The following LRRC8B variants were observed in gnomAD, a reference collection of about 807,000 sequenced individuals.
The protein encoded by LRRC8B is leucine rich repeat containing 8 VRAC subunit B.
LRRC8B carries 23 observed loss-of-function variants against 58.8 expected under a neutral mutation model. The observed-to-expected ratio is 0.39, with a 90% CI of 0.28 to 0.55. The LOEUF (loss-of-function observed/expected upper bound fraction) is 0.55, where lower values mean the gene tolerates loss of function less well. LRRC8B is among the 20% of genes least tolerant of loss of function. The probability of loss-of-function intolerance (pLI) is 0.62; values close to 1 mark genes in which losing one functional copy is unlikely to be tolerated. For synonymous variants in LRRC8B, 359 were observed against 374.1 expected, an observed-to-expected ratio of 0.96 and a Z score of 0.47; for missense variants, 694 against 936.0, an observed-to-expected ratio of 0.74 and a Z score of 3.37.
chr1:89,533,673 T>C (rs1002498222), intron 1 of LRRC8B, among the ~76,000 whole-genome samples: 3 of 152,194 alleles, frequency 2.0e-5, no homozygotes, highest in Non-Finnish European at 4.4e-5. Context: ...GGCCTCCTCC[T>C]GGATGCTTCT....
rs560048505 is a variant in LRRC8B, at chr1:89,558,430, A to G, written c.-240-9817A>G. Among the ~76,000 whole-genome samples, 6 of 152,308 alleles carry G rather than the reference A, an allele frequency of 3.9e-5. 1 individual carries two copies. The East Asian group carries it at 1.2e-3, about 29-fold the overall frequency. On this transcript the variant is annotated intron_variant, in intron 1 of 5. Coordinates refer to ENST00000330947, the MANE Select transcript of LRRC8B (RefSeq NM_001369817.2). The stretch of plus-strand genomic sequence containing the variant: ...ACAAAGCAACAAGTCAAGAGGTGAC[A>G]TGTTTTAGAAAGAGCTCTCTGACTG...
At chr1:89,565,369 A>C (rs1390434645) in intron 1 of LRRC8B, among the ~76,000 whole-genome samples, 1 of 144,036 alleles carries the variant, frequency 6.9e-6, no homozygotes, top group East Asian at 1.9e-4. Flanking sequence ...CACTGATTCA[A>C]AATGACTCTC....
chr1:89,592,812 G>T lies in LRRC8B; in HGVS notation c.2181G>T (p.Leu727=). The change falls in exon 6 of 6, where the codon CTG becomes CTT. Residue 727 remains leucine (L), a synonymous_variant. Transcript: ENST00000330947. ...LPDGLFQCKK[L]QCLLLGKNSL... ...ATGGGCTGTTTCAGTGCAAAAAGCT[G>T]CAGTGTTTACTTTTGGGGAAAAATA... 1.2e-6 allele frequency: 2 copies of T among 1,613,682 alleles called. No homozygotes were observed. Among genetic ancestry groups the T allele is most frequent in the Non-Finnish European group, 1.7e-6 (2 of 1,179,960 alleles).
At chr1:89,554,487 T>C (rs1313893551) in intron 1 of LRRC8B, among the ~76,000 whole-genome samples, 5 of 152,212 alleles carry the variant, frequency 3.3e-5, no homozygotes, top group Non-Finnish European at 5.9e-5. Flanking sequence ...TAAGCTCCTT[T>C]TGAGATTTAG....
Position 89,575,682 on chromosome 1 carries a change from G to A in LRRC8B, c.-124-3909G>A, listed in dbSNP as rs1653790508. Among the ~76,000 whole-genome samples the A allele has an allele frequency of 2.8e-5, 4 of 144,272 alleles. No homozygotes were observed. In the South Asian group the frequency reaches 9.0e-4, roughly 33 times the overall value. The allele number at this position is 144,272 out of a possible 152,430, so 94.6% of individuals were successfully genotyped here. A position where few individuals can be genotyped will look rare whatever the true frequency, so the allele number is the denominator to read the frequency against. The stretch of plus-strand genomic sequence containing the variant: ...CACCCTAAAAGTTTGAATGGTTAGG[G>A]GATCTTTTTCATTTTTGTACATTTA... On this transcript the variant is annotated intron_variant, in intron 3 of 5. Coordinates refer to ENST00000330947, the MANE Select transcript of LRRC8B (RefSeq NM_001369817.2).
intron 1 of LRRC8B, among the ~76,000 whole-genome samples, chr1:89,554,172 CATAA>C (rs766128041): frequency 6.6e-6 from 1 of 152,184 alleles, no homozygotes; most frequent in Non-Finnish European, 1.5e-5. Context: ...ATTTCTGTCT[CATAA>C]ATTCCACTCC....
intron 3 of LRRC8B, among the ~76,000 whole-genome samples, chr1:89,568,736 T>C (rs542804654): frequency 6.7e-4 from 102 of 152,256 alleles, no homozygotes; most frequent in African/African-American, 2.2e-3. Flanking sequence ...GGAAAATATA[T>C]GTGTATATGA....
At chr1:89,547,953 T>A (rs1340102096) in intron 1 of LRRC8B, among the ~76,000 whole-genome samples, 2 of 152,204 alleles carry the variant, frequency 1.3e-5, no homozygotes, top group African/African-American at 4.8e-5. Context: ...TAGATTTATT[T>A]TCAGTCTAGC....
chr1:89,580,557 C>T (rs1469101506), intron 4 of LRRC8B, among the ~76,000 whole-genome samples: 1 of 152,132 alleles, frequency 6.6e-6, no homozygotes, highest in African/African-American at 2.4e-5. Context: ...GGTCTAAGCC[C>T]AGGACTTTCT....
Position 89,583,102 on chromosome 1 carries a change from A to G in LRRC8B, c.452A>G (p.His151Arg). ...HYPSTSSRLE[H>R]FVAILHKCFD... The stretch of plus-strand genomic sequence containing the variant: ...CCCAGTACCAGTTCCAGGCTCGAGC[A>G]TTTTGTGGCCATCCTTCACAAGTGC... Residue 151 changes from histidine (H) to arginine (R), a missense_variant, in exon 5 of 6, where the codon CAT (histidine) becomes CGT (arginine). Around this residue, in one of 5 missense-constraint regions of LRRC8B, gnomAD observed 316 missense variants for 403.8 expected, o/e 0.78. Coordinates refer to ENST00000330947, the MANE Select transcript of LRRC8B (RefSeq NM_001369817.2). The surrounding 1 kb of genome is among the most constrained non-coding windows in gnomAD (Gnocchi z 5.2). The G allele has an allele frequency of 1.9e-6, 3 of 1,614,120 alleles. No homozygotes were observed. The highest frequency in any genetic ancestry group is 2.5e-6 in the Non-Finnish European group (3 of 1,180,028).
chr1:89,571,212 T>C (rs1053391263), intron 3 of LRRC8B, among the ~76,000 whole-genome samples: 2 of 152,182 alleles, frequency 1.3e-5, no homozygotes, highest in Non-Finnish European at 2.9e-5. Context: ...TTTGGTTCCA[T>C]GTGAGTTTTA....
At position 89,596,649 on chromosome 1, in the gene LRRC8B, A is replaced by C. The variant is rs1170217530; in HGVS notation, c.*3606A>C. The stretch of plus-strand genomic sequence containing the variant: ...CATCTTTCCATCTTCACATTCTCTT[A>C]GCATCATCCTATGCACATAAGGTAT... On this transcript the variant is annotated 3_prime_UTR_variant, in exon 6 of 6. Transcript: ENST00000330947. The C allele has an allele frequency of 1.3e-5, 2 of 152,124 alleles. No individual in the cohort carries two copies. The highest frequency in any genetic ancestry group is 4.8e-5 in the African/African-American group (2 of 41,434). The allele number at this position is 152,124 out of a possible 1,614,324, so 9.4% of individuals were successfully genotyped here. A position where few individuals can be genotyped will look rare whatever the true frequency, so the allele number is the denominator to read the frequency against.
chr1:89,556,728 G>A (rs1407123105), intron 1 of LRRC8B, among the ~76,000 whole-genome samples: 1 of 152,174 alleles, frequency 6.6e-6, no homozygotes, highest in African/African-American at 2.4e-5. Flanking sequence ...CAGTGATTTT[G>A]ACTACCAGCA....
rs61714771 is a variant in LRRC8B, at chr1:89,541,710, C to CAAAA, written c.-241+16724_-241+16727dup. On this transcript the variant is annotated intron_variant, in intron 1 of 5. Transcript: ENST00000330947. ...TGGGCGACAGAGGGAGACTCCGTCTCAAAAAAAAAAAAAAAAAAAAAAAAA... is the reference window on the plus strand; with the variant it reads ...TGGGCGACAGAGGGAGACTCCGTCTCAAAAAAAAAAAAAAAAAAAAAAAAAAAAA... Among the ~76,000 whole-genome samples the CAAAA allele has an allele frequency of 3.1e-4, 13 of 42,234 alleles. 2 individuals are homozygous for CAAAA. The highest frequency in any genetic ancestry group is 5.4e-4 in the African/African-American group (5 of 9,222). The allele number at this position is 42,234 out of a possible 152,430, so 27.7% of individuals were successfully genotyped here. A position where few individuals can be genotyped will look rare whatever the true frequency, so the allele number is the denominator to read the frequency against.
chr1:89,525,698 ATC>A (rs1423043496), intron 1 of LRRC8B, among the ~76,000 whole-genome samples: 1 of 152,176 alleles, frequency 6.6e-6, no homozygotes. Flanking sequence ...TGGCTCATTA[ATC>A]TGTGTGCTCA....
Position 89,595,706 on chromosome 1 carries a change from TAG to T in LRRC8B, c.*2664_*2665del, listed in dbSNP as rs1655249027. The stretch of plus-strand genomic sequence containing the variant: ...TGTTTAGGTCGCTTTTGAGACAAGG[TAG>T]CCCTGATGCAAGGAAAAATGAGGCT... On this transcript the variant is annotated 3_prime_UTR_variant, in exon 6 of 6. Transcript: ENST00000330947. 2 of 152,122 alleles carry T rather than the reference TAG, an allele frequency of 1.3e-5. No individual in the cohort carries two copies. Among genetic ancestry groups the T allele is most frequent in the African/African-American group, 2.4e-5 (1 of 41,434 alleles). The allele number at this position is 152,122 out of a possible 1,614,324, so 9.4% of individuals were successfully genotyped here. A position where few individuals can be genotyped will look rare whatever the true frequency, so the allele number is the denominator to read the frequency against.
intron 3 of LRRC8B, among the ~76,000 whole-genome samples, chr1:89,574,928 G>T (rs560856714): frequency 2.0e-5 from 3 of 152,322 alleles, no homozygotes; most frequent in East Asian, 3.9e-4. Flanking sequence ...AAGATTGAAG[G>T]CAGTGCCTCA....
chr1:89,587,625 G>A (rs370231401), intron 5 of LRRC8B, among the ~76,000 whole-genome samples: 3 of 152,270 alleles, frequency 2.0e-5, no homozygotes, highest in Non-Finnish European at 4.4e-5. Context: ...CATGTGGAAC[G>A]GCAGTTAATA....
intron 1 of LRRC8B, among the ~76,000 whole-genome samples, chr1:89,535,506 A>G (rs931861897): frequency 1.6e-4 from 24 of 152,352 alleles, no homozygotes; most frequent in African/African-American, 5.8e-4. Flanking sequence ...ACAAGCAGCG[A>G]AGAGCAAGAC....
Sources: allele counts gnomAD v4.1 joint callset (sites outside exome capture counted in the v4.1 genomes callset), GRCh38; gene constraint gnomAD v4.1.1; regional missense constraint gnomAD v4.1.1; non-coding constraint Gnocchi (gnomAD v3.1); transcripts MANE v1.5; gene names NCBI Gene and HGNC (gene_info 2026-07-23, HGNC 2026-07-21).